The following TANC1 variants were observed in gnomAD, a reference collection of about 807,000 sequenced individuals.
The protein encoded by TANC1 is protein TANC1.
In TANC1, 77 loss-of-function variants were observed where a neutral mutation model predicts 149.7. The ratio of observed to expected loss-of-function variants is 0.51; its 90% confidence interval spans 0.43 to 0.62. The LOEUF (loss-of-function observed/expected upper bound fraction) is 0.62. TANC1 is among the 20% of genes least tolerant of loss of function. TANC1 has a pLI of 0.00. For synonymous variants in TANC1, 854 were observed against 925.0 expected (o/e 0.92, Z 1.39); for missense variants, 1,985 against 2,321.8 (o/e 0.85, Z 2.98).
At chr2:159,102,144 T>C (rs1439143534) in intron 4 of TANC1, among the ~76,000 whole-genome samples, 1 of 152,358 alleles carries the variant, frequency 6.6e-6, no homozygotes, top group Admixed American at 6.5e-5. Context: ...AAGTATTTCT[T>C]GTAGAAAATC....
At chr2:159,177,429 TATG>T (rs2055991132) in intron 13 of TANC1, among the ~76,000 whole-genome samples, 1 of 152,238 alleles carries the variant, frequency 6.6e-6, no homozygotes, top group East Asian at 1.9e-4. Flanking sequence ...TTTGCCCTTT[TATG>T]ATATTTATTT....
intron 11 of TANC1, among the ~76,000 whole-genome samples, chr2:159,173,999 A>G (rs2055554208): frequency 6.6e-6 from 1 of 152,160 alleles, no homozygotes; most frequent in Non-Finnish European, 1.5e-5. Flanking sequence ...AACTGTGGCT[A>G]GTGGTTCTTG....
intron 7 of TANC1, among the ~76,000 whole-genome samples, chr2:159,154,860 C>T (rs1352298504): frequency 6.6e-6 from 1 of 152,164 alleles, no homozygotes; most frequent in African/African-American, 2.4e-5. Context: ...TGTACCCAAT[C>T]ACCATAAAAT....
At chr2:159,066,459 A>G (rs569454384) in intron 3 of TANC1, among the ~76,000 whole-genome samples, 1 of 152,280 alleles carries the variant, frequency 6.6e-6, no homozygotes, top group African/African-American at 2.4e-5. Flanking sequence ...ACTTTATTAT[A>G]AGAAGTGACT....
intron 4 of TANC1, among the ~76,000 whole-genome samples, chr2:159,105,300 T>G (rs2047068448): frequency 6.8e-6 from 1 of 147,778 alleles, no homozygotes; most frequent in African/African-American, 2.4e-5. Context: ...GGCCAGATAC[T>G]TACTTTTTAA....
In TANC1 at chr2:159,225,759, G is replaced by A; in HGVS notation, c.3883G>A (p.Glu1295Lys). Residue 1295 changes from glutamate (E) to lysine (K), a missense_variant, in exon 24 of 27, where the codon GAA (glutamate) becomes AAA (lysine). This residue lies in a region of TANC1 where 920 missense variants were observed against 994.7 expected (regional missense o/e 0.92). Coordinates refer to ENST00000263635, the MANE Select transcript of TANC1 (RefSeq NM_033394.3). Reference sequence around the variant, plus strand: ...TATACTTTTACAGAAATTAATGGAGGAAGGAAATGTGATGTACAAAGTAAG... The same window carrying A: ...TATACTTTTACAGAAATTAATGGAGAAAGGAAATGTGATGTACAAAGTAAG... ...LIILLQKLMEEGNVMYKKGKM... is the reference protein window; with the variant it reads ...LIILLQKLMEKGNVMYKKGKM... 1.2e-6 allele frequency: 2 copies of A among 1,613,876 alleles called. No individual in the cohort carries two copies. Among genetic ancestry groups the A allele is most frequent in the East Asian group, 2.2e-5 (1 of 44,882 alleles).
chr2:158,989,268 G>T (rs529691998), intron 1 of TANC1, among the ~76,000 whole-genome samples: 1 of 151,980 alleles, frequency 6.6e-6, no homozygotes, highest in Non-Finnish European at 1.5e-5. Context: ...CAGTACTTTG[G>T]GATCTCACCT....
intron 2 of TANC1, among the ~76,000 whole-genome samples, chr2:159,011,318 T>TAAA (rs796936680): frequency 2.0e-5 from 3 of 151,604 alleles, no homozygotes; most frequent in Non-Finnish European, 2.9e-5. Flanking sequence ...TACTTGGAAG[T>TAAA]AAAACAACAA....
intron 5 of TANC1, among the ~76,000 whole-genome samples, chr2:159,139,572 G>A (rs1303323057): frequency 6.6e-6 from 1 of 152,178 alleles, no homozygotes; most frequent in African/African-American, 2.4e-5. Flanking sequence ...TGATTTAGGG[G>A]TAACCATAAT....
intron 18 of TANC1, 101 bp from the exon 19 acceptor site, chr2:159,198,874 A>T: frequency 1.3e-6 from 1 of 788,054 alleles, no homozygotes; most frequent in Non-Finnish European, 2.2e-6. Context: ...GCAGTGTGAG[A>T]TAATGGTTAA....
intron 1 of TANC1, among the ~76,000 whole-genome samples, chr2:158,995,506 C>T (rs866102864): frequency 6.6e-6 from 1 of 152,216 alleles, no homozygotes; most frequent in African/African-American, 2.4e-5. Flanking sequence ...CTTTCCCTCC[C>T]TGTAGCACAT....
rs1323052600 is a variant in TANC1, at chr2:159,229,875, C to T, written c.4449C>T (p.Val1483=). ...CCAGGTCCCAGCCATCCTCATCTGT[C>T]CCTTCCTCATACATCCGAAACCTTC... ...PTPRSQPSSS[V]PSSYIRNLQE... is the part of the protein sequence containing the mutation. Residue 1483 remains valine, a synonymous_variant, in exon 27 of 27, where the codon GTC becomes GTT. Coordinates refer to ENST00000263635, the MANE Select transcript of TANC1 (RefSeq NM_033394.3). The T allele has an allele frequency of 1.9e-6, 3 of 1,614,148 alleles. No homozygotes were observed. The highest frequency in any genetic ancestry group is 2.5e-6 in the Non-Finnish European group (3 of 1,180,036).
At chr2:159,129,696 G>C (rs35772392) in intron 4 of TANC1, among the ~76,000 whole-genome samples, 1 of 151,856 alleles carries the variant, frequency 6.6e-6, no homozygotes, top group Non-Finnish European at 1.5e-5. Context: ...ACCTTCTCCT[G>C]TATCACATAG....
intron 13 of TANC1, 31 bp from the exon 14 acceptor site, chr2:159,178,525 T>G: frequency 6.5e-7 from 1 of 1,528,802 alleles, no homozygotes; most frequent in Non-Finnish European, 8.8e-7. Context: ...CTCTTTAGAG[T>G]GACACTGTGG....
At chr2:159,196,307 C>G (rs771780395) in intron 17 of TANC1, among the ~76,000 whole-genome samples, 11 of 152,216 alleles carry the variant, frequency 7.2e-5, no homozygotes, top group Admixed American at 3.9e-4. Context: ...TGGTCTGTGT[C>G]TCCACACATG....
At chr2:159,167,785 TGA>T (rs753575086) in intron 8 of TANC1, among the ~76,000 whole-genome samples, 1 of 151,846 alleles carries the variant, frequency 6.6e-6, no homozygotes, top group Non-Finnish European at 1.5e-5. Flanking sequence ...AATGAAGGAA[TGA>T]GAGAGGATGA....
At chr2:159,079,960 T>A (rs541411685) in intron 3 of TANC1, among the ~76,000 whole-genome samples, 2 of 152,316 alleles carry the variant, frequency 1.3e-5, no homozygotes, top group East Asian at 3.9e-4. Flanking sequence ...AATTTTTAAA[T>A]GAGAAAGGGT....
At chr2:159,176,907 A>ATTTTTTTTTTT (rs10647127) in intron 13 of TANC1, among the ~76,000 whole-genome samples, 4 of 102,014 alleles carry the variant, frequency 3.9e-5, no homozygotes, top group African/African-American at 7.8e-5. Flanking sequence ...AAGGTGAAAG[A>ATTTTTTTTTTT]TTTTTTTTTT....
At chr2:159,058,168 T>C (rs988505324) in intron 2 of TANC1, among the ~76,000 whole-genome samples, 11 of 152,224 alleles carry the variant, frequency 7.2e-5, no homozygotes, top group African/African-American at 2.7e-4. Flanking sequence ...GGAGAGTGTA[T>C]TGATTTCAGA....
Sources: gnomAD v4.1 joint callset for allele counts (sites outside exome capture counted in the v4.1 genomes callset) on GRCh38, gnomAD v4.1.1 for gene constraint, gnomAD v4.1.1 regional missense constraint, MANE v1.5 for transcripts, NCBI Gene and HGNC (gene_info 2026-07-23, HGNC 2026-07-21) for gene names.